SEL1L3: variants seen among roughly 807,000 people sequenced by gnomAD.
The protein encoded by SEL1L3 is SEL1L family member 3.
In SEL1L3, 76 loss-of-function variants were observed where a neutral mutation model predicts 142.8. That is an observed-to-expected ratio of 0.53 (90% CI 0.44 to 0.64). The LOEUF (loss-of-function observed/expected upper bound fraction) is 0.64. Among genes scored for constraint, SEL1L3 ranks in the 30% least tolerant of loss-of-function variants. The pLI, the probability that SEL1L3 is intolerant of heterozygous loss-of-function variation, is 0.00. For synonymous variants in SEL1L3, 504 were observed against 519.6 expected (o/e 0.97, Z 0.41); for missense variants, 1,262 against 1,381.7 (o/e 0.91, Z 1.37).
the SEL1L3 span, among the ~76,000 whole-genome samples, chr4:25,725,382 C>A: frequency 6.8e-6 from 1 of 148,030 alleles, no homozygotes; most frequent in East Asian, 2.0e-4. Flanking sequence ...GTGGCACAAT[C>A]TCGGCTCACT....
chr4:25,819,911 A>G lies in SEL1L3; in HGVS notation c.1320T>C (p.Leu440=). The part of the protein sequence containing the change: ...QIFNPLLEKQ[L]AEQIKLYYER... ...CATAATATAACTTGATTTGTTCAGC[A>G]AGTTGCTTCTCAAGGAGGGGATTAA... The change falls in exon 8 of 24, where the codon CTT becomes CTC. Residue 440 remains leucine, a synonymous_variant. Coordinates refer to ENST00000399878, the MANE Select transcript of SEL1L3 (RefSeq NM_015187.5). 6.2e-7 allele frequency: 1 copy of G among 1,612,200 alleles called. No homozygotes were observed. The highest frequency in any genetic ancestry group is 1.1e-5 in the South Asian group (1 of 90,474).
intron 6 of SEL1L3, among the ~76,000 whole-genome samples, chr4:25,826,558 G>A (rs1715105939): frequency 1.3e-5 from 2 of 152,138 alleles, no homozygotes; most frequent in Non-Finnish European, 2.9e-5. Flanking sequence ...TCTGGGACTA[G>A]CTTTACCTCT....
intron 20 of SEL1L3, among the ~76,000 whole-genome samples, chr4:25,763,704 C>G (rs991497741): frequency 6.6e-6 from 1 of 151,948 alleles, no homozygotes; most frequent in Admixed American, 6.6e-5. Context: ...AAAAATTAGC[C>G]GGACATGCAC....
At chr4:25,808,605 T>C (rs1318143447) in intron 9 of SEL1L3, among the ~76,000 whole-genome samples, 1 of 151,724 alleles carries the variant, frequency 6.6e-6, no homozygotes, top group Non-Finnish European at 1.5e-5. Flanking sequence ...GCATCCAAGG[T>C]AGAAGTTTGA....
At chr4:25,828,132 T>C (rs1715209054) in intron 6 of SEL1L3, among the ~76,000 whole-genome samples, 1 of 152,184 alleles carries the variant, frequency 6.6e-6, no homozygotes. Context: ...CCGCTATGTT[T>C]CAATGCAGCT....
intron 6 of SEL1L3, among the ~76,000 whole-genome samples, chr4:25,823,878 G>A (rs1714928417): frequency 6.6e-6 from 1 of 152,124 alleles, no homozygotes; most frequent in African/African-American, 2.4e-5. Context: ...AACGAGGGAT[G>A]GACTGTCTGT....
intron 17 of SEL1L3, among the ~76,000 whole-genome samples, chr4:25,769,305 C>T (rs539141199): frequency 7.9e-5 from 12 of 152,092 alleles, no homozygotes; most frequent in Non-Finnish European, 1.8e-4. Flanking sequence ...GATAGTTAGA[C>T]CTTCAGTCAG....
At chr4:25,764,431 T>C (rs1187607959) in intron 20 of SEL1L3, among the ~76,000 whole-genome samples, 5 of 152,258 alleles carry the variant, frequency 3.3e-5, no homozygotes, top group Admixed American at 2.0e-4. Flanking sequence ...TTATGTCAGA[T>C]GTGAACATTA....
chr4:25,860,142 C>CTA (rs1238407639), intron 1 of SEL1L3, among the ~76,000 whole-genome samples: 1 of 152,188 alleles, frequency 6.6e-6, no homozygotes, highest in Non-Finnish European at 1.5e-5. Context: ...ATAGTAGCTC[C>CTA]TACCTCAGAG....
intron 13 of SEL1L3, among the ~76,000 whole-genome samples, chr4:25,787,062 T>G (rs1208171494): frequency 3.3e-5 from 5 of 152,208 alleles, no homozygotes; most frequent in Admixed American, 3.3e-4. Flanking sequence ...TTTCCAAGAT[T>G]GATGAATTGA....
intron 17 of SEL1L3, among the ~76,000 whole-genome samples, chr4:25,768,334 G>A (rs1420567285): frequency 6.6e-6 from 1 of 152,140 alleles, no homozygotes; most frequent in African/African-American, 2.4e-5. Context: ...GCCAAAACAC[G>A]TATGAGAAAA....
chr4:25,757,835 G>A (rs1361001878), intron 21 of SEL1L3, 45 bp from the exon 22 acceptor site: 13 of 1,405,028 alleles, frequency 9.3e-6, no homozygotes, highest in African/African-American at 1.4e-5. Context: ...GCCAACTTTG[G>A]TGGCACGACT....
chr4:25,830,529 C>T (rs1715366900), intron 5 of SEL1L3, among the ~76,000 whole-genome samples: 1 of 152,166 alleles, frequency 6.6e-6, no homozygotes, highest in Non-Finnish European at 1.5e-5. Flanking sequence ...CCATCAGAGC[C>T]TTAGGGGGAA....
intron 15 of SEL1L3, among the ~76,000 whole-genome samples, chr4:25,781,165 C>A (rs1011019735): frequency 4.6e-5 from 7 of 151,966 alleles, no homozygotes; most frequent in Admixed American, 2.6e-4. Context: ...TGTTTTAGTT[C>A]TCTGCATAGC....
At chr4:25,717,275 G>T in the SEL1L3 span, among the ~76,000 whole-genome samples, 1 of 152,186 alleles carries the variant, frequency 6.6e-6, no homozygotes, top group Non-Finnish European at 1.5e-5. Flanking sequence ...CCTTTTCCTG[G>T]CTGTGTGACA....
intron 21 of SEL1L3, 123 bp downstream of exon 21, chr4:25,758,818 G>T: frequency 9.1e-7 from 1 of 1,103,052 alleles, no homozygotes; most frequent in Admixed American, 2.8e-5. Flanking sequence ...CCTGCTTTTT[G>T]TTTTTGTTTT....
downstream of SEL1L3, among the ~76,000 whole-genome samples, chr4:25,742,651 T>A (rs1315883041): frequency 6.6e-6 from 1 of 152,254 alleles, no homozygotes; most frequent in African/African-American, 2.4e-5. Context: ...CATAGTTTGG[T>A]TAATTTCTAG....
intron 1 of SEL1L3, chr4:25,860,540 A>T (rs951735246): frequency 1.3e-5 from 2 of 152,266 alleles, no homozygotes; most frequent in Non-Finnish European, 2.9e-5. Flanking sequence ...TGGGTAGTGT[A>T]GACCCAAGAG....
intron 11 of SEL1L3, among the ~76,000 whole-genome samples, chr4:25,797,363 C>T (rs1160421283): frequency 1.3e-5 from 2 of 152,178 alleles, no homozygotes; most frequent in Non-Finnish European, 2.9e-5. Flanking sequence ...ACCTCAGGGC[C>T]TGGCAGAACC....
Sources: gnomAD v4.1 joint callset for allele counts (sites outside exome capture counted in the v4.1 genomes callset) on GRCh38, gnomAD v4.1.1 for gene constraint, MANE v1.5 for transcripts, NCBI Gene and HGNC (gene_info 2026-07-23, HGNC 2026-07-21) for gene names.